SLC12A1: variants seen among roughly 807,000 people sequenced by gnomAD.
SLC12A1 encodes the protein solute carrier family 12 member 1.
Under a neutral mutation model 130.4 loss-of-function variants are expected in SLC12A1, and 89 were observed. The ratio of observed to expected loss-of-function variants is 0.68; its 90% CI spans 0.58 to 0.81. The LOEUF (loss-of-function observed/expected upper bound fraction) is 0.81, where lower values mean the gene tolerates loss of function less well. SLC12A1 is among the 40% of genes least tolerant of loss of function. The probability of loss-of-function intolerance (pLI) is 0.00; values close to 1 mark genes in which losing one functional copy is unlikely to be tolerated. For synonymous variants in SLC12A1, 499 were observed against 460.0 expected (o/e 1.08, Z -1.09); for missense variants, 1,310 against 1,336.4 (o/e 0.98, Z 0.31).
At chr15:48,228,953 T>C (rs2041330871) in intron 5 of SLC12A1, 1 of 367,968 alleles carries the variant, frequency 2.7e-6, no homozygotes, top group African/African-American at 2.1e-5. Flanking sequence ...TTTTTACATT[T>C]ATGTTTTAAT....
rs145566526 is a variant in SLC12A1 at position 48,226,529 on chromosome 15, T to C, written c.682T>C (p.Leu228=). The part of the protein sequence containing the change: ...LSTMVTSITG[L]STSAIATNGF... ...CACCATGGTAACTTCTATTACTGGG[T>C]TGTCAACTTCTGCGATAGCAACTAA... is the stretch of plus-strand genomic sequence containing the variant. The change falls in exon 5 of 27, where the codon TTG becomes CTG. Residue 228 remains leucine (L), a synonymous_variant. Transcript: ENST00000380993. 62 of 1,610,552 alleles carry C rather than the reference T, an allele frequency of 3.8e-5. No individual in the cohort carries two copies. The East Asian group carries it at 1.4e-3, about 35-fold the overall frequency.
chr15:48,293,324 C>A (rs935306903), intron 24 of SLC12A1, among the ~76,000 whole-genome samples: 4 of 152,190 alleles, frequency 2.6e-5, no homozygotes, highest in African/African-American at 9.7e-5. Flanking sequence ...TTAGAGTTAT[C>A]ATTTAACAAT....
intron 20 of SLC12A1, among the ~76,000 whole-genome samples, chr15:48,278,024 CT>C (rs761782169): frequency 2.5e-4 from 38 of 152,332 alleles, no homozygotes; most frequent in East Asian, 1.7e-3. Flanking sequence ...TGCCCCTTTT[CT>C]TCTTTATGGA....
intron 2 of SLC12A1, among the ~76,000 whole-genome samples, chr15:48,209,104 C>G (rs1225822583): frequency 6.6e-6 from 1 of 152,158 alleles, no homozygotes; most frequent in South Asian, 2.1e-4. Context: ...TCTTGTTGCC[C>G]GGGCTGGAGT....
intron 24 of SLC12A1, among the ~76,000 whole-genome samples, chr15:48,298,900 G>T (rs1008005493): frequency 6.6e-6 from 1 of 152,216 alleles, no homozygotes; most frequent in Non-Finnish European, 1.5e-5. Context: ...TAATATTGAA[G>T]ATCTAATACC....
chr15:48,244,408 A>C (rs1161088211), intron 10 of SLC12A1, among the ~76,000 whole-genome samples: 1 of 152,234 alleles, frequency 6.6e-6, no homozygotes, highest in Non-Finnish European at 1.5e-5. Flanking sequence ...CTTGAAAAAC[A>C]TCCAGTTGGT....
intron 17 of SLC12A1, among the ~76,000 whole-genome samples, chr15:48,264,969 T>C (rs185531942): frequency 3.3e-3 from 497 of 152,314 alleles, no homozygotes; most frequent in Non-Finnish European, 5.5e-3. Context: ...CCTGAATTAA[T>C]TTATATACTC....
At position 48,244,855 on chromosome 15, in the gene SLC12A1, C is replaced by T. The variant is rs2041559595; in HGVS notation, c.1403C>T (p.Ser468Leu). 1 of 1,613,814 alleles carries T rather than the reference C, an allele frequency of 6.2e-7. No individual in the cohort carries two copies. ...GCATGTGGGTTGGGCTATGACTTCT[C>T]AAGATGTCGACATGAACCATGTCAG... is the stretch of plus-strand genomic sequence containing the variant. Reference protein sequence around the residue: ...SAACGLGYDFSRCRHEPCQYG... With the variant: ...SAACGLGYDFLRCRHEPCQYG... The change falls in exon 11 of 27, where the codon TCA becomes TTA. Residue 468 changes from serine (S) to leucine (L), a missense_variant. Physicochemically the swap from Ser to Leu is moderately radical, Grantham distance 145 (BLOSUM62 -2). Coordinates refer to ENST00000380993, the MANE Select transcript of SLC12A1 (RefSeq NM_000338.3).
At chr15:48,255,572 G>A (rs990291177) in intron 15 of SLC12A1, among the ~76,000 whole-genome samples, 2 of 152,226 alleles carry the variant, frequency 1.3e-5, no homozygotes, top group Admixed American at 6.5e-5. Context: ...TAGGACTGCA[G>A]TTGTACAGTC....
chr15:48,221,310 TATTGAC>T, intron 4 of SLC12A1: 1 of 701,832 alleles, frequency 1.4e-6, no homozygotes. Context: ...TTGGGGGACA[TATTGAC>T]ATTTGCCTCT....
intron 19 of SLC12A1, 84 bp downstream of exon 19, chr15:48,269,848 T>C (rs1362691879): frequency 1.5e-6 from 1 of 671,110 alleles, no homozygotes; most frequent in Non-Finnish European, 2.6e-6. Context: ...ATAACACTGT[T>C]GTGTCAGATT....
intron 20 of SLC12A1, among the ~76,000 whole-genome samples, chr15:48,282,551 G>C (rs1233540232): frequency 6.6e-6 from 1 of 151,990 alleles, no homozygotes; most frequent in Non-Finnish European, 1.5e-5. Flanking sequence ...CCACATCAGA[G>C]GACTGCAAAG....
intron 9 of SLC12A1, among the ~76,000 whole-genome samples, chr15:48,239,545 A>AATAAATAC (rs1478792950): frequency 6.6e-6 from 1 of 151,504 alleles, no homozygotes; most frequent in East Asian, 1.9e-4. Context: ...TAAATAAATA[A>AATAAATAC]ATAATAATGT....
chr15:48,262,533 C>T (rs533628845), intron 17 of SLC12A1, among the ~76,000 whole-genome samples: 1 of 152,152 alleles, frequency 6.6e-6, no homozygotes, highest in Non-Finnish European at 1.5e-5. Flanking sequence ...TCTTAACACT[C>T]TCCGCAGGCC....
In SLC12A1 at chr15:48,208,025, C is replaced by T; in HGVS notation, c.306C>T (p.Gly102=). 1 of 1,613,954 alleles carries T rather than the reference C, an allele frequency of 6.2e-7. No homozygotes were observed. Among genetic ancestry groups the T allele is most frequent in the Non-Finnish European group, 8.5e-7 (1 of 1,179,874 alleles). ...HTNTYYLQTF[G]HNTMDAVPKI... is the part of the protein sequence containing the mutation. Reference sequence around the variant, plus strand: ...ACACATACTATCTACAAACTTTTGGCCACAACACCATGGATGCCGTTCCCA... The same window carrying T: ...ACACATACTATCTACAAACTTTTGGTCACAACACCATGGATGCCGTTCCCA... The change falls in exon 2 of 27, where the codon GGC becomes GGT. Residue 102 remains glycine (G), a synonymous_variant. Transcript: ENST00000380993.
intron 20 of SLC12A1, among the ~76,000 whole-genome samples, chr15:48,281,723 T>G (rs1175567832): frequency 6.6e-6 from 1 of 152,222 alleles, no homozygotes; most frequent in African/African-American, 2.4e-5. Flanking sequence ...AGATACTATG[T>G]AGAAAGGGCT....
chr15:48,245,631 G>C (rs1435408457), intron 11 of SLC12A1, among the ~76,000 whole-genome samples: 2 of 152,136 alleles, frequency 1.3e-5, no homozygotes, highest in African/African-American at 4.8e-5. Context: ...AGTATTGCAT[G>C]GTGTATGTGT....
chr15:48,235,044 G>A (rs1008102869), intron 9 of SLC12A1, 40 bp downstream of exon 9: 2 of 1,603,842 alleles, frequency 1.2e-6, no homozygotes, highest in Middle Eastern at 1.7e-4. Flanking sequence ...GGGAGTGGTG[G>A]TACACTTGGT....
chr15:48,276,068 T>C (rs1191428646), intron 20 of SLC12A1, among the ~76,000 whole-genome samples: 2 of 152,068 alleles, frequency 1.3e-5, no homozygotes, highest in African/African-American at 4.8e-5. Context: ...ATTTTGCAGG[T>C]ACAAAGAGCA....
Sources: allele counts gnomAD v4.1 joint callset (sites outside exome capture counted in the v4.1 genomes callset), GRCh38; gene constraint gnomAD v4.1.1; transcripts MANE v1.5; gene names NCBI Gene and HGNC (gene_info 2026-07-23, HGNC 2026-07-21).